DDX49: variants seen among roughly 807,000 people sequenced by gnomAD.
DDX49 encodes the protein probable ATP-dependent RNA helicase DDX49.
DDX49 carries 50 observed loss-of-function variants against 56.3 expected under a neutral mutation model. That is an observed-to-expected ratio of 0.89 (90% CI 0.71 to 1.12). DDX49 has a LOEUF of 1.12. DDX49 is among the 50% of genes most tolerant of loss of function. The pLI is 0.00. For missense variants in DDX49, 614 were observed against 650.5 expected (o/e 0.94, Z 0.61); for synonymous variants, 269 against 270.6 (o/e 0.99, Z 0.06).
chr19:18,920,056 G>A (rs1370206445), intron 1 of DDX49, among the ~76,000 whole-genome samples, 200 bp downstream of exon 1: 2 of 152,248 alleles, frequency 1.3e-5, no homozygotes, highest in Admixed American at 6.5e-5. Context: ...TCGTACGCAA[G>A]TGATGTAATC....
intron 4 of DDX49, 171 bp downstream of exon 4, chr19:18,922,135 C>A: frequency 8.5e-7 from 1 of 1,172,150 alleles, no homozygotes; most frequent in Non-Finnish European, 1.2e-6. Context: ...CAAGAGGGGG[C>A]CCAGTCCTAG....
chr19:18,923,320 G>A (rs2056934276), intron 6 of DDX49, among the ~76,000 whole-genome samples: 1 of 152,166 alleles, frequency 6.6e-6, no homozygotes, highest in South Asian at 2.1e-4. Flanking sequence ...TCAGGAGTTC[G>A]AGACCAGCCT....
rs757623648 is a variant in DDX49 at position 18,922,508 on chromosome 19, G to A, written c.630G>A (p.Gln210=). The change falls in exon 5 of 13, where the codon CAG becomes CAA. Residue 210 remains glutamine (Q), a synonymous_variant. Transcript: ENST00000247003. The part of the protein sequence containing the change: ...ATNQPFFWEA[Q]APVSTVEQLD... Reference sequence around the variant, plus strand: ...ACCAGCCCTTCTTCTGGGAAGCACAGGCCCCGTGAGTCCACAGCCCAGACA... The same window carrying A: ...ACCAGCCCTTCTTCTGGGAAGCACAAGCCCCGTGAGTCCACAGCCCAGACA... The A allele has an allele frequency of 6.9e-6, 11 of 1,599,722 alleles. No individual in the cohort carries two copies. Among genetic ancestry groups the A allele is most frequent in the East Asian group, 6.7e-5 (3 of 44,580 alleles).
rs912434731 is a variant in DDX49 at position 18,924,100 on chromosome 19, GC to G, written c.777-131del. The stretch of plus-strand genomic sequence containing the variant: ...TGGGATTACAGGCATGAGCCACCGT[GC>G]CTGGCCTGCTGCCTCTCCTTTCTAA... On this transcript the variant is annotated intron_variant, in intron 6 of 12. Transcript: ENST00000247003. 213 of 843,156 alleles carry G rather than the reference GC, an allele frequency of 2.5e-4. 2 individuals carry two copies. In the Admixed American group the frequency reaches 3.9e-3, roughly 15 times the overall value. 52.2% of individuals were successfully genotyped at this position (843,156 alleles called of 1,614,324 possible). A position where few individuals can be genotyped will look rare whatever the true frequency, so the allele number is the denominator to read the frequency against.
rs1258556575 is a variant in DDX49, at chr19:18,927,751, T to C, written c.1103-15T>C. On this transcript the variant is annotated splice_polypyrimidine_tract_variant and intron_variant, in intron 10 of 12. Transcript: ENST00000247003. Reference sequence around the variant, plus strand: ...CTCCTCCCCACCCCCACCCCCGGCTTTGCTGTCCCCACAGAGAAGAAGCTG... The same window carrying C: ...CTCCTCCCCACCCCCACCCCCGGCTCTGCTGTCCCCACAGAGAAGAAGCTG... 6.9e-7 allele frequency: 1 copy of C among 1,440,274 alleles called. No homozygotes were observed. The highest frequency in any genetic ancestry group is 9.8e-7 in the Non-Finnish European group (1 of 1,021,848). The allele number at this position is 1,440,274 out of a possible 1,614,324, so 89.2% of individuals were successfully genotyped here. A position where few individuals can be genotyped will look rare whatever the true frequency, so the allele number is the denominator to read the frequency against.
chr19:18,922,870 G>C (rs2056930956), intron 6 of DDX49, 126 bp downstream of exon 6: 5 of 1,287,020 alleles, frequency 3.9e-6, no homozygotes, highest in Non-Finnish European at 5.3e-6. Flanking sequence ...AGGTCATGGG[G>C]GCTTCCCTCA....
In DDX49 at chr19:18,920,582, C is replaced by A. The variant is rs775712338; in HGVS notation, c.118C>A (p.Arg40=). The stretch of plus-strand genomic sequence containing the variant: ...ATGCTGCTTTGTCCCCAACCCAGGT[C>A]GAGACTGCTTGGGCTGTGCTAAGAC... ...LGCIPAILEG[R]DCLGCAKTGS... Residue 40 remains arginine (R), a splice_region_variant and synonymous_variant, in exon 2 of 13, where the codon CGA becomes AGA. Coordinates refer to ENST00000247003, the MANE Select transcript of DDX49 (RefSeq NM_019070.5). 6.9e-6 allele frequency: 11 copies of A among 1,595,434 alleles called. No individual in the cohort carries two copies. The Admixed American group carries it at 1.7e-4, about 24-fold the overall frequency.
intron 10 of DDX49, among the ~76,000 whole-genome samples, chr19:18,926,876 C>G (rs2003449): frequency 0.38 from 57,438 of 151,240 alleles, 12,866 homozygotes; most frequent in Admixed American, 0.54. Flanking sequence ...AGTTCAAGAC[C>G]AACCTGGGCA....
At position 18,928,489 on chromosome 19, in the gene DDX49, T is replaced by C. The variant is rs7497; in HGVS notation, c.*173T>C. On this transcript the variant is annotated 3_prime_UTR_variant, in exon 13 of 13. Coordinates refer to ENST00000247003, the MANE Select transcript of DDX49 (RefSeq NM_019070.5). ...CCTCTGCCCCGAAACCACTGGCTGG[T>C]CCCTTCCCTGAGCCCTGGCCAAGAT... The C allele has an allele frequency of 0.47, 303,156 of 642,138 alleles. 74,212 individuals carry two copies. Among genetic ancestry groups the C allele is most frequent in the Middle Eastern group, 0.59 (1,369 of 2,302 alleles). The allele number at this position is 642,138 out of a possible 1,614,324, so 39.8% of individuals were successfully genotyped here.
Position 18,919,724 on chromosome 19 carries a change from CT to C in DDX49, c.-17del. ...TCACACGGGCCCCTACAAGGGGCCC[CT>C]ACAAGCGGCCACAAGGATGGCAGGC... On this transcript the variant is annotated 5_prime_UTR_variant, in exon 1 of 13. Transcript: ENST00000247003. 6.2e-7 allele frequency: 1 copy of C among 1,604,548 alleles called. No homozygotes were observed. The highest frequency in any genetic ancestry group is 8.5e-7 in the Non-Finnish European group (1 of 1,173,126).
chr19:18,926,244 T>C (rs2301661), intron 9 of DDX49, 59 bp from the exon 10 acceptor site: 707,220 of 1,524,494 alleles, frequency 0.46, 168,055 homozygotes, highest in Middle Eastern at 0.59. Context: ...AGGATCTACC[T>C]TTATTCGCCC....
chr19:18,920,485 G>A, intron 1 of DDX49, 95 bp from the exon 2 acceptor site: 1 of 1,361,496 alleles, frequency 7.3e-7, no homozygotes, highest in Non-Finnish European at 1.0e-6. Flanking sequence ...TTCCAGTCCA[G>A]CCTGCCACTC....
chr19:18,924,910 G>A lies in DDX49; in HGVS notation c.958G>A (p.Val320Ile). The part of the protein sequence containing the change: ...RGLDIPTVQV[V>I]INHNTPGLPK... ...CCTGGACATCCCTACGGTACAGGTG[G>A]TCATCAACCACAACACCCCCGGGCT... The change falls in exon 9 of 13, where the codon GTC (valine) becomes ATC (isoleucine). Residue 320 changes from valine (V) to isoleucine (I), a missense_variant. By Grantham distance (29) the Val-to-Ile change is conservative. Coordinates refer to ENST00000247003, the MANE Select transcript of DDX49 (RefSeq NM_019070.5). 1.9e-6 allele frequency: 3 copies of A among 1,613,104 alleles called. No homozygotes were observed. The highest frequency in any genetic ancestry group is 4.5e-5 in the East Asian group (2 of 44,872).
At chr19:18,921,582 G>A in intron 2 of DDX49, 81 bp from the exon 3 acceptor site, 1 of 1,360,140 alleles carries the variant, frequency 7.4e-7, no homozygotes, top group East Asian at 2.3e-5. Context: ...GGCTCAGGGA[G>A]GAACCCTGGG....
At chr19:18,925,775 A>G (rs916587910) in intron 9 of DDX49, among the ~76,000 whole-genome samples, 5 of 152,106 alleles carry the variant, frequency 3.3e-5, no homozygotes, top group Non-Finnish European at 5.9e-5. Flanking sequence ...AAGCCAGGAA[A>G]GATGTGGTTG....
intron 9 of DDX49, 119 bp downstream of exon 9, chr19:18,925,098 GT>G: frequency 7.6e-7 from 1 of 1,313,794 alleles, no homozygotes; most frequent in Non-Finnish European, 1.0e-6. Flanking sequence ...TCAGGGCCAT[GT>G]TTGCAAGTTG....
chr19:18,919,869 C>T lies in DDX49; in HGVS notation c.115+13C>T. The T allele has an allele frequency of 6.4e-7, 1 of 1,560,004 alleles. No individual in the cohort carries two copies. ...GCCATCCTGGAGGGTGAGTATGGCC[C>T]AGGGCCTTCCCCAAGAGGCCTCTCC... On this transcript the variant is annotated intron_variant, in intron 1 of 12. Coordinates refer to ENST00000247003, the MANE Select transcript of DDX49 (RefSeq NM_019070.5).
intron 5 of DDX49, 45 bp downstream of exon 5, chr19:18,922,558 A>G (rs2056927544): frequency 1.3e-6 from 2 of 1,598,492 alleles, no homozygotes; most frequent in African/African-American, 1.3e-5. Context: ...GCCCCATCCT[A>G]CAGACAGGGA....
In DDX49 at chr19:18,928,293, G is replaced by T; in HGVS notation, c.1429G>T (p.Val477Phe). ...RTPSGSHSGP[V>F]PSQGLV ...ACCGTCTGGGTCCCACTCAGGCCCA[G>T]TCCCCTCCCAGGGCCTGGTCTGAGC... Residue 477 changes from valine (V) to phenylalanine (F), a missense_variant, in exon 13 of 13, where the codon GTC becomes TTC. Coordinates refer to ENST00000247003, the MANE Select transcript of DDX49 (RefSeq NM_019070.5). The T allele has an allele frequency of 6.4e-7, 1 of 1,570,886 alleles. No individual in the cohort carries two copies. Among genetic ancestry groups the T allele is most frequent in the Non-Finnish European group, 8.6e-7 (1 of 1,158,628 alleles).
Sources: allele counts gnomAD v4.1 joint callset (sites outside exome capture counted in the v4.1 genomes callset), GRCh38; gene constraint gnomAD v4.1.1; transcripts MANE v1.5; gene names NCBI Gene and HGNC (gene_info 2026-07-23, HGNC 2026-07-21).